PIH1D1: variants seen among roughly 807,000 people sequenced by gnomAD.
PIH1D1 encodes PIH1 domain-containing protein 1.
PIH1D1 carries 28 observed loss-of-function variants against 38.5 expected under a neutral mutation model. The ratio of observed to expected loss-of-function variants is 0.73; its 90% CI spans 0.54 to 1.00. PIH1D1 has a LOEUF of 1.00. Among genes scored for constraint, PIH1D1 ranks in the 50% least tolerant of loss-of-function variants. The pLI is 0.00. For synonymous variants in PIH1D1, 155 were observed against 153.5 expected, an observed-to-expected ratio of 1.01 and a Z score of -0.07; for missense variants, 343 against 369.9, an observed-to-expected ratio of 0.93 and a Z score of 0.60.
At position 49,447,382 on chromosome 19, in the gene PIH1D1, C is replaced by T; in HGVS notation, c.567G>A (p.Glu189=). The change falls in exon 6 of 9, where the codon GAG becomes GAA. Residue 189 remains glutamate, a synonymous_variant. Coordinates refer to ENST00000262265, the MANE Select transcript of PIH1D1 (RefSeq NM_017916.3). The part of the protein sequence containing the change: ...IRSEQRPRIQ[E]LGDLYTPAPG... ...GGGCGGGCGTGTACAGGTCCCCCAG[C>T]TCCTGGATCCGAGGACGCTGCTCCG... 6.2e-7 allele frequency: 1 copy of T among 1,613,860 alleles called. No individual in the cohort carries two copies. The highest frequency in any genetic ancestry group is 8.5e-7 in the Non-Finnish European group (1 of 1,179,998).
At chr19:49,446,485 C>T in intron 8 of PIH1D1, 62 bp from the exon 9 acceptor site, 1 of 1,536,852 alleles carries the variant, frequency 6.5e-7, no homozygotes, top group Non-Finnish European at 9.0e-7. Context: ...CCCAGCCCCC[C>T]TCCCTGGGAG....
chr19:49,449,666 G>T lies in PIH1D1; in HGVS notation c.158-12C>A. 6.2e-7 allele frequency: 1 copy of T among 1,609,752 alleles called. No individual in the cohort carries two copies. Among genetic ancestry groups the T allele is most frequent in the Non-Finnish European group, 8.5e-7 (1 of 1,176,934 alleles). On this transcript the variant is annotated splice_polypyrimidine_tract_variant and intron_variant, in intron 2 of 8. Transcript: ENST00000262265. ...CTTTATGCAGAAACCTGGTGGGAGT[G>T]GGTTAGTCATGACAATCCTTTTCTG...
intron 2 of PIH1D1, 44 bp downstream of exon 2, chr19:49,450,738 C>T: frequency 7.2e-7 from 1 of 1,394,494 alleles, no homozygotes; most frequent in Non-Finnish European, 9.7e-7. Context: ...TCTCTGTCCT[C>T]TCCCTGGGTC....
Position 49,451,608 on chromosome 19 carries a change from C to A in PIH1D1, c.-34G>T, listed in dbSNP as rs750108966. Reference sequence around the variant, plus strand: ...GAAAGAGATCTAGGCGTCCTCGAGACCCTCAACGTGGGAAACTTTGCCCAG... The same window carrying A: ...GAAAGAGATCTAGGCGTCCTCGAGAACCTCAACGTGGGAAACTTTGCCCAG... On this transcript the variant is annotated 5_prime_UTR_variant, in exon 1 of 9. Coordinates refer to ENST00000262265, the MANE Select transcript of PIH1D1 (RefSeq NM_017916.3). 6.8e-6 allele frequency: 11 copies of A among 1,608,700 alleles called. No homozygotes were observed. The highest frequency in any genetic ancestry group is 4.5e-5 in the East Asian group (2 of 44,870).
rs1388958932 is a variant in PIH1D1, at chr19:49,447,463, C to A, written c.486G>T (p.Trp162Cys). The A allele has an allele frequency of 3.7e-6, 6 of 1,608,814 alleles. No homozygotes were observed. In the African/African-American group the frequency reaches 4.0e-5, roughly 11 times the overall value. Residue 162 changes from tryptophan (W) to cysteine (C), a missense_variant, in exon 6 of 9, where the codon TGG (tryptophan) becomes TGT (cysteine). By Grantham distance (215) the Trp-to-Cys change is radical (BLOSUM62 -2). Coordinates refer to ENST00000262265, the MANE Select transcript of PIH1D1 (RefSeq NM_017916.3). ...TGAATGGCCGGTTCTTCATCATGCG[C>A]CATTCTGAGGGTCAGGAGCGCCGTC... ...DKYNLQLNPEWRMMKNRPFMG... is the reference protein window; with the variant it reads ...DKYNLQLNPECRMMKNRPFMG...
chr19:49,450,143 G>A (rs1376247027), intron 2 of PIH1D1, among the ~76,000 whole-genome samples: 2 of 152,038 alleles, frequency 1.3e-5, no homozygotes, highest in Non-Finnish European at 2.9e-5. Context: ...CCAGGTTGGA[G>A]TGCAGTGGTA....
At position 49,447,471 on chromosome 19, in the gene PIH1D1, AG is replaced by A. The variant is rs2079031372; in HGVS notation, c.482-5del. 1 of 1,607,632 alleles carries A rather than the reference AG, an allele frequency of 6.2e-7. No homozygotes were observed. On this transcript the variant is annotated splice_polypyrimidine_tract_variant and splice_region_variant and intron_variant, in intron 5 of 8. Transcript: ENST00000262265. ...CGGTTCTTCATCATGCGCCATTCTGAGGGTCAGGAGCGCCGTCAAACATCGT... is the reference window on the plus strand; with the variant it reads ...CGGTTCTTCATCATGCGCCATTCTGAGGTCAGGAGCGCCGTCAAACATCGT...
chr19:49,451,758 T>C lies in PIH1D1; in HGVS notation c.-184A>G. 1 of 1,420,756 alleles carries C rather than the reference T, an allele frequency of 7.0e-7. No individual in the cohort carries two copies. The highest frequency in any genetic ancestry group is 2.5e-5 in the East Asian group (1 of 39,366). The allele number at this position is 1,420,756 out of a possible 1,614,324, so 88.0% of individuals were successfully genotyped here. ...AGACCGAACACCATCGTCAAATCCG[T>C]GGGGAATATGTGTCTCTAGACGCAC... On this transcript the variant is annotated 5_prime_UTR_variant, in exon 1 of 9. Coordinates refer to ENST00000262265, the MANE Select transcript of PIH1D1 (RefSeq NM_017916.3).
rs370961640 is a variant in PIH1D1 at position 49,449,431 on chromosome 19, G to T, written c.337+44C>A. The T allele has an allele frequency of 7.9e-5, 125 of 1,585,346 alleles. 2 individuals are homozygous for T. The highest frequency in any genetic ancestry group is 7.8e-4 in the East Asian group (35 of 44,734). The stretch of plus-strand genomic sequence containing the variant: ...AGGATTCTTGGGTTCTAGGGAAGAA[G>T]GGGCCTAGCGGGCCAGACTCCTGGG... On this transcript the variant is annotated intron_variant, in intron 3 of 8. Coordinates refer to ENST00000262265, the MANE Select transcript of PIH1D1 (RefSeq NM_017916.3).
At chr19:49,448,355 A>G in intron 3 of PIH1D1, 1 of 464,390 alleles carries the variant, frequency 2.2e-6, no homozygotes, top group Non-Finnish European at 3.9e-6. Context: ...GAGCCCCACA[A>G]GCCTGGCGTT....
Position 49,449,562 on chromosome 19 carries a change from C to T in PIH1D1, c.250G>A (p.Glu84Lys), listed in dbSNP as rs142169635. ...SIPPPADVTE[E>K]ELLQMLEEDQ... is the part of the protein sequence containing the mutation. Reference sequence around the variant, plus strand: ...TCCTCTAGCATCTGAAGCAGCTCCTCCTCGGTCACGTCGGCGGGAGGAGGG... The same window carrying T: ...TCCTCTAGCATCTGAAGCAGCTCCTTCTCGGTCACGTCGGCGGGAGGAGGG... Residue 84 changes from glutamate (E) to lysine (K), a missense_variant, in exon 3 of 9, where the codon GAG (glutamate) becomes AAG (lysine). Coordinates refer to ENST00000262265, the MANE Select transcript of PIH1D1 (RefSeq NM_017916.3). 1.2e-5 allele frequency: 20 copies of T among 1,614,032 alleles called. 1 individual carries two copies. Among genetic ancestry groups the T allele is most frequent in the Non-Finnish European group, 1.7e-5 (20 of 1,180,018 alleles).
intron 2 of PIH1D1, 46 bp downstream of exon 2, chr19:49,450,736 C>T (rs761393675): frequency 1.5e-6 from 2 of 1,375,662 alleles, no homozygotes; most frequent in Admixed American, 1.9e-5. Flanking sequence ...TCTCTCTGTC[C>T]TCTCCCTGGG....
intron 3 of PIH1D1, chr19:49,448,941 C>A (rs1749466621): frequency 3.7e-6 from 1 of 273,714 alleles, no homozygotes; most frequent in Non-Finnish European, 7.2e-6. Flanking sequence ...ACCTGTAATC[C>A]CAGCACTTTC....
chr19:49,450,847 G>T lies in PIH1D1; in HGVS notation c.92C>A (p.Ala31Asp). ...SARFEELLLQ[A>D]SKELQQAQTT... Reference sequence around the variant, plus strand: ...CTGGGCTTGCTGGAGCTCCTTCGAGGCCTGTATAAAGGAAAACTACCTCCA... The same window carrying T: ...CTGGGCTTGCTGGAGCTCCTTCGAGTCCTGTATAAAGGAAAACTACCTCCA... Residue 31 changes from alanine to aspartate, a missense_variant and splice_region_variant, in exon 2 of 9, where the codon GCC becomes GAC. Ala to Asp is a moderately radical substitution (Grantham distance 126). Transcript: ENST00000262265. 6.2e-7 allele frequency: 1 copy of T among 1,613,574 alleles called. No homozygotes were observed.
In PIH1D1 at chr19:49,451,500, C is replaced by A; in HGVS notation, c.75G>T (p.Glu25Asp). Residue 25 changes from glutamate (E) to aspartate (D), a missense_variant, in exon 1 of 9, where the codon GAG (glutamate) becomes GAT (aspartate). Transcript: ENST00000262265. Reference sequence around the variant, plus strand: ...GTCACTGCACCTGCAGCAGCAGCTCCTCAAATCGCGCCGAATCAGCACCGA... The same window carrying A: ...GTCACTGCACCTGCAGCAGCAGCTCATCAAATCGCGCCGAATCAGCACCGA... Reference protein sequence around the residue: ...EAIGADSARFEELLLQASKEL... With the variant: ...EAIGADSARFDELLLQASKEL... The A allele has an allele frequency of 1.2e-6, 2 of 1,613,868 alleles. No individual in the cohort carries two copies. Among genetic ancestry groups the A allele is most frequent in the Non-Finnish European group, 1.7e-6 (2 of 1,179,986 alleles).
intron 2 of PIH1D1, 125 bp from the exon 3 acceptor site, chr19:49,449,779 A>G: frequency 1.5e-6 from 1 of 669,360 alleles, no homozygotes; most frequent in African/African-American, 2.0e-5. Context: ...TCCCCACCCG[A>G]GATCCCTCAC....
At chr19:49,449,915 C>A (rs557340032) in intron 2 of PIH1D1, among the ~76,000 whole-genome samples, 9 of 151,896 alleles carry the variant, frequency 5.9e-5, no homozygotes, top group African/African-American at 2.2e-4. Context: ...ATGCCTCAGC[C>A]TCCCAAGTAG....
chr19:49,449,416 G>C, intron 3 of PIH1D1, 59 bp downstream of exon 3: 1 of 1,534,402 alleles, frequency 6.5e-7, no homozygotes, highest in Admixed American at 1.7e-5. Flanking sequence ...AGGATTCTTG[G>C]GTTCTAGGGA....
chr19:49,449,220 C>T (rs911980708), intron 3 of PIH1D1: 28 of 645,164 alleles, frequency 4.3e-5, no homozygotes, highest in African/African-American at 2.1e-4. Context: ...CGCTAATGCA[C>T]GAAGAGCACT....
Sources: gnomAD v4.1 joint callset for allele counts (sites outside exome capture counted in the v4.1 genomes callset) on GRCh38, gnomAD v4.1.1 for gene constraint, MANE v1.5 for transcripts, NCBI Gene and HGNC (gene_info 2026-07-23, HGNC 2026-07-21) for gene names.